CLK1: variants seen among roughly 807,000 people sequenced by gnomAD.
CLK1 encodes the protein dual specificity protein kinase CLK1.
Under a neutral mutation model 60.9 loss-of-function variants are expected in CLK1, and 40 were observed. The observed-to-expected ratio is 0.66, with a 90% CI of 0.51 to 0.86. CLK1 has a LOEUF of 0.86. Ranked by LOEUF, CLK1 falls within the 40% of genes least tolerant of loss-of-function variation. The probability of loss-of-function intolerance (pLI) is 0.00; values close to 1 mark genes in which losing one functional copy is unlikely to be tolerated. For synonymous variants in CLK1, 203 were observed against 184.4 expected (o/e 1.10, Z -0.82); for missense variants, 563 against 606.1 (o/e 0.93, Z 0.75).
In CLK1 at chr2:200,861,260, G is replaced by C. The variant is rs779314002; in HGVS notation, c.368C>G (p.Thr123Ser). The C allele has an allele frequency of 1.2e-6, 2 of 1,614,146 alleles. No homozygotes were observed. Among genetic ancestry groups the C allele is most frequent in the Non-Finnish European group, 1.7e-6 (2 of 1,180,010 alleles). ...TACCCCATGTGAACGACGATGTGAA[G>C]TACTGTGGTGAATCCTGTGTTTGCT... ...YKSKHRIHHS[T>S]SHRRSHGKSH... Residue 123 changes from threonine (T) to serine (S), a missense_variant, in exon 3 of 13, where the codon ACT (threonine) becomes AGT (serine). Physicochemically the swap from Thr to Ser is moderately conservative, Grantham distance 58. This residue lies in a region of CLK1 where 198 missense variants were observed against 179.2 expected (regional missense o/e 1.10). Coordinates refer to ENST00000321356, the MANE Select transcript of CLK1 (RefSeq NM_004071.4).
chr2:200,864,371 C>T, intron 1 of CLK1, 193 bp downstream of exon 1: 1 of 1,166,874 alleles, frequency 8.6e-7, no homozygotes, highest in Non-Finnish European at 1.1e-6. Context: ...AGGCCGGATC[C>T]GGCGGCGACA....
intron 5 of CLK1, among the ~76,000 whole-genome samples, chr2:200,858,806 T>TAACAACAACAAC (rs57925642): frequency 7.3e-6 from 1 of 137,808 alleles, no homozygotes; most frequent in African/African-American, 2.7e-5. Flanking sequence ...GGAAGAACAA[T>TAACAACAACAAC]AACAACAACA....
chr2:200,861,134 T>C, intron 3 of CLK1, 104 bp downstream of exon 3: 1 of 1,517,566 alleles, frequency 6.6e-7, no homozygotes, highest in Non-Finnish European at 8.8e-7. Context: ...AAAACTGAGA[T>C]GATTTCATCT....
In CLK1 at chr2:200,857,820, A is replaced by G; in HGVS notation, c.730T>C (p.Leu244=). The part of the protein sequence containing the change: ...HGHICIVFEL[L]GLSTYDFIKE... ...ATGAAGTCGTAAGTACTAAGTCCCAATAGTTCAAAAACAATGCAAATGTGA... is the reference window on the plus strand; with the variant it reads ...ATGAAGTCGTAAGTACTAAGTCCCAGTAGTTCAAAAACAATGCAAATGTGA... The change falls in exon 7 of 13, where the codon TTG becomes CTG. Residue 244 remains leucine, a synonymous_variant. Coordinates refer to ENST00000321356, the MANE Select transcript of CLK1 (RefSeq NM_004071.4). The G allele has an allele frequency of 6.2e-7, 1 of 1,613,958 alleles. No individual in the cohort carries two copies. The highest frequency in any genetic ancestry group is 8.5e-7 in the Non-Finnish European group (1 of 1,179,882).
chr2:200,861,164 C>T, intron 3 of CLK1, 74 bp downstream of exon 3: 1 of 1,545,522 alleles, frequency 6.5e-7, no homozygotes, highest in Non-Finnish European at 8.7e-7. Flanking sequence ...CTCAAATAAT[C>T]AAACACAAAA....
chr2:200,864,273 G>C (rs1011531336), intron 1 of CLK1: 5 of 1,494,250 alleles, frequency 3.3e-6, no homozygotes, highest in Non-Finnish European at 4.4e-6. Context: ...CCGCCCGACC[G>C]TCCCGCGTCA....
At position 200,856,882 on chromosome 2, in the gene CLK1, A is replaced by G. The variant is rs369867789; in HGVS notation, c.927+9T>C. On this transcript the variant is annotated intron_variant, in intron 8 of 12. Coordinates refer to ENST00000321356, the MANE Select transcript of CLK1 (RefSeq NM_004071.4). ...ATAAGATACTTTATGAATATTTTGGAAGACTTACTATTTTGGGATTATACG... is the reference window on the plus strand; with the variant it reads ...ATAAGATACTTTATGAATATTTTGGGAGACTTACTATTTTGGGATTATACG... 2.9e-4 allele frequency: 461 copies of G among 1,614,036 alleles called. 1 individual carries two copies. In the African/African-American group the frequency reaches 4.8e-3, roughly 17 times the overall value.
chr2:200,864,046 T>C (rs1289072540), intron 1 of CLK1: 1 of 1,482,136 alleles, frequency 6.7e-7, no homozygotes, highest in Non-Finnish European at 9.0e-7. Context: ...GCCGACACTT[T>C]CATCATTAGA....
At position 200,858,010 on chromosome 2, in the gene CLK1, G is replaced by A; in HGVS notation, c.628C>T (p.Leu210=). ...GGGTCTGTTGTATTCAGATGTTCCAGAACTTGTATTTCTGAGCGAGCAGCT... is the reference window on the plus strand; with the variant it reads ...GGGTCTGTTGTATTCAGATGTTCCAAAACTTGTATTTCTGAGCGAGCAGCT... ...CEAARSEIQV[L]EHLNTTDPNS... is the part of the protein sequence containing the mutation. The change falls in exon 6 of 13, where the codon CTG becomes TTG. Residue 210 remains leucine, a synonymous_variant. Transcript: ENST00000321356. 6.2e-7 allele frequency: 1 copy of A among 1,614,060 alleles called. No homozygotes were observed. The highest frequency in any genetic ancestry group is 8.5e-7 in the Non-Finnish European group (1 of 1,179,968).
intron 3 of CLK1, 107 bp downstream of exon 3, chr2:200,861,131 A>G: frequency 6.6e-7 from 1 of 1,514,766 alleles, no homozygotes; most frequent in Non-Finnish European, 8.8e-7. Flanking sequence ...GTTAAAACTG[A>G]GATGATTTCA....
chr2:200,861,962 C>A, intron 1 of CLK1, 100 bp from the exon 2 acceptor site: 1 of 898,910 alleles, frequency 1.1e-6, no homozygotes, highest in Non-Finnish European at 1.7e-6. Context: ...GTTTTAAGAC[C>A]AAAATTCAAG....
intron 5 of CLK1, among the ~76,000 whole-genome samples, chr2:200,858,842 T>TAAAAAAA (rs10652214): frequency 1.4e-5 from 2 of 147,254 alleles, no homozygotes; most frequent in Non-Finnish European, 3.0e-5. Context: ...AACAGGGAAC[T>TAAAAAAA]AAAAAAAAAG....
intron 1 of CLK1, chr2:200,864,263 C>A (rs753716055): frequency 6.6e-7 from 1 of 1,506,240 alleles, no homozygotes; most frequent in South Asian, 1.2e-5. Context: ...AACATGGCGC[C>A]CGCCCGACCG....
intron 1 of CLK1, 41 bp from the exon 2 acceptor site, chr2:200,861,903 A>C: frequency 6.3e-7 from 1 of 1,575,158 alleles, no homozygotes; most frequent in Non-Finnish European, 8.7e-7. Flanking sequence ...ATTGTACCCC[A>C]CACTGAGCTG....
chr2:200,854,502 C>T (rs939158345), intron 11 of CLK1, 114 bp downstream of exon 11: 2 of 672,910 alleles, frequency 3.0e-6, no homozygotes, highest in African/African-American at 1.8e-5. Flanking sequence ...CGCCACTGCA[C>T]TCCAGCCTGG....
intron 7 of CLK1, 83 bp from the exon 8 acceptor site, chr2:200,857,068 T>C (rs111405031): frequency 9.4e-7 from 1 of 1,064,568 alleles, no homozygotes; most frequent in East Asian, 2.5e-5. Flanking sequence ...CCGGGTGCAG[T>C]GGCTCACGCC....
intron 9 of CLK1, 83 bp from the exon 10 acceptor site, chr2:200,855,169 TAAAA>T (rs796607497): frequency 1.4e-6 from 1 of 692,686 alleles, no homozygotes; most frequent in Non-Finnish European, 2.2e-6. Flanking sequence ...ACTAATACTT[TAAAA>T]AAAAAAACAC....
chr2:200,858,824 C>T lies in CLK1; in HGVS notation c.549-735G>A, dbSNP rs1383113388. Among the ~76,000 whole-genome samples, 3 of 140,894 alleles carry T rather than the reference C, an allele frequency of 2.1e-5. No homozygotes were observed. In the East Asian group the frequency reaches 6.1e-4, roughly 28 times the overall value. The allele number at this position is 140,894 out of a possible 152,430, so 92.4% of individuals were successfully genotyped here. On this transcript the variant is annotated intron_variant, in intron 5 of 12. Coordinates refer to ENST00000321356, the MANE Select transcript of CLK1 (RefSeq NM_004071.4). ...AGAACAATAACAACAACAACAACAACAACAACAAACAGGGAACTAAAAAAA... is the reference window on the plus strand; with the variant it reads ...AGAACAATAACAACAACAACAACAATAACAACAAACAGGGAACTAAAAAAA...
intron 1 of CLK1, among the ~76,000 whole-genome samples, chr2:200,862,937 C>CA (rs138363612): frequency 0.063 from 9,602 of 152,292 alleles, 373 homozygotes; most frequent in South Asian, 0.096. Context: ...GTACCACTCC[C>CA]AAGCACATAC....
Sources: allele counts gnomAD v4.1 joint callset (sites outside exome capture counted in the v4.1 genomes callset), GRCh38; gene constraint gnomAD v4.1.1; regional missense constraint gnomAD v4.1.1; transcripts MANE v1.5; gene names NCBI Gene and HGNC (gene_info 2026-07-23, HGNC 2026-07-21).